Variants in IL31RA observed in about 807,000 individuals in gnomAD.
The protein encoded by IL31RA is interleukin-31 receptor subunit alpha.
In IL31RA, 66 loss-of-function variants were observed where a neutral mutation model predicts 83.7. The observed-to-expected ratio is 0.79, with a 90% CI of 0.65 to 0.97. The LOEUF (loss-of-function observed/expected upper bound fraction) is 0.97, where lower values mean the gene tolerates loss of function less well. Ranked by LOEUF, IL31RA falls within the 50% of genes least tolerant of loss-of-function variation. IL31RA has a pLI of 0.00. For missense variants in IL31RA, 798 were observed against 919.4 expected, an observed-to-expected ratio of 0.87 and a Z score of 1.71; for synonymous variants, 325 against 329.0, an observed-to-expected ratio of 0.99 and a Z score of 0.13.
chr5:55,885,922 T>C (rs2112453085), intron 5 of IL31RA, among the ~76,000 whole-genome samples: 1 of 152,356 alleles, frequency 6.6e-6, no homozygotes, highest in South Asian at 2.1e-4. Context: ...GATAGTCTAC[T>C]GGCTATAAAC....
rs746941564 is a variant in IL31RA, at chr5:55,900,018, C to G, written c.955C>G (p.Gln319Glu). The change falls in exon 8 of 15, where the codon CAG becomes GAG. Residue 319 changes from glutamine to glutamate, a missense_variant. Transcript: ENST00000652347. The stretch of plus-strand genomic sequence containing the variant: ...CACAGAAACAATGAACACTACTAAC[C>G]AGCAGCTTGAACTGCATCTGGGAGG... ...NLTETMNTTNQQLELHLGGES... is the reference protein window; with the variant it reads ...NLTETMNTTNEQLELHLGGES... 16 of 1,613,740 alleles carry G rather than the reference C, an allele frequency of 9.9e-6. No individual in the cohort carries two copies. The highest frequency in any genetic ancestry group is 1.4e-5 in the Non-Finnish European group (16 of 1,179,722).
rs1233835647 is a variant in IL31RA at position 55,918,685 on chromosome 5, G to A, written c.*1565G>A. Among the ~76,000 whole-genome samples the A allele has an allele frequency of 6.6e-6, 1 of 152,064 alleles. No homozygotes were observed. Among genetic ancestry groups the A allele is most frequent in the African/African-American group, 2.4e-5 (1 of 41,400 alleles). On this transcript the variant is annotated 3_prime_UTR_variant, in exon 15 of 15. Coordinates refer to ENST00000652347, the MANE Select transcript of IL31RA (RefSeq NM_139017.7). ...TACTATGGTCCCTCCTGTCCCTGTT[G>A]GGTCACCTACCACTTACCTTAGCCA... is the stretch of plus-strand genomic sequence containing the variant.
At chr5:55,858,732 C>A (rs1380024931) in intron 1 of IL31RA, among the ~76,000 whole-genome samples, 1 of 152,096 alleles carries the variant, frequency 6.6e-6, no homozygotes, top group Non-Finnish European at 1.5e-5. Context: ...ACTATCCCAC[C>A]ATTTCATCTT....
the IL31RA span, chr5:55,839,956 C>G: frequency 1.6e-6 from 1 of 642,380 alleles, no homozygotes; most frequent in African/African-American, 1.8e-5. Context: ...ACTTCATCGG[C>G]CAAGCAAGAC....
At chr5:55,897,458 G>A (rs995741515) in intron 7 of IL31RA, among the ~76,000 whole-genome samples, 2 of 152,110 alleles carry the variant, frequency 1.3e-5, no homozygotes, top group Non-Finnish European at 2.9e-5. Flanking sequence ...GGAAGGCAGC[G>A]TAAGTCTCCG....
chr5:55,877,692 T>G (rs1746944887), intron 4 of IL31RA, among the ~76,000 whole-genome samples: 2 of 152,234 alleles, frequency 1.3e-5, no homozygotes, highest in Non-Finnish European at 2.9e-5. Flanking sequence ...CTCTAAGGTT[T>G]TTGCTGATCT....
chr5:55,885,294 TC>T (rs1307196167), intron 5 of IL31RA, among the ~76,000 whole-genome samples: 1 of 152,174 alleles, frequency 6.6e-6, no homozygotes, highest in African/African-American at 2.4e-5. Flanking sequence ...GAATTTTTGC[TC>T]CTTAGTTCAG....
chr5:55,870,735 C>A (rs1325645401), intron 3 of IL31RA, among the ~76,000 whole-genome samples: 1 of 152,176 alleles, frequency 6.6e-6, no homozygotes, highest in African/African-American at 2.4e-5. Context: ...GGATCTCTTC[C>A]AAGCAAAGTG....
In IL31RA at chr5:55,921,777, G is replaced by T. The variant is rs1187296645; in HGVS notation, c.*4657G>T. ...TTTATTGTTGCCATGTCCCTGTGTT[G>T]ACATTACAGAATGTTCTCTGCCTCC... is the stretch of plus-strand genomic sequence containing the variant. On this transcript the variant is annotated 3_prime_UTR_variant, in exon 15 of 15. Transcript: ENST00000652347. Among the ~76,000 whole-genome samples the T allele has an allele frequency of 6.6e-6, 1 of 152,108 alleles. No individual in the cohort carries two copies. Among genetic ancestry groups the T allele is most frequent in the Non-Finnish European group, 1.5e-5 (1 of 68,012 alleles).
chr5:55,916,578 G>A (rs139358617), intron 14 of IL31RA, 66 bp from the exon 15 acceptor site: 68 of 1,363,896 alleles, frequency 5.0e-5, no homozygotes, highest in Middle Eastern at 1.9e-4. Context: ...CAAGCCTAAC[G>A]AGTTTTTGGC....
intron 6 of IL31RA, among the ~76,000 whole-genome samples, chr5:55,894,471 T>G (rs1401127786): frequency 6.6e-6 from 1 of 152,210 alleles, no homozygotes; most frequent in African/African-American, 2.4e-5. Flanking sequence ...GGGATTCAGA[T>G]GAAATAATAT....
intron 3 of IL31RA, among the ~76,000 whole-genome samples, chr5:55,870,515 T>G (rs539615533): frequency 6.6e-6 from 1 of 152,176 alleles, no homozygotes; most frequent in Non-Finnish European, 1.5e-5. Context: ...CTTTATAGGT[T>G]TACTGCTATT....
Position 55,916,641 on chromosome 5 carries a change from C to T in IL31RA, c.1819-3C>T. The T allele has an allele frequency of 6.2e-7, 1 of 1,613,406 alleles. No homozygotes were observed. Among genetic ancestry groups the T allele is most frequent in the Non-Finnish European group, 8.5e-7 (1 of 1,179,510 alleles). ...ACTTGGGATGTCCCTTTTTCTTTTCCAGGATAAGCTAAACCTGAAGGAGTC... is the reference window on the plus strand; with the variant it reads ...ACTTGGGATGTCCCTTTTTCTTTTCTAGGATAAGCTAAACCTGAAGGAGTC... On this transcript the variant is annotated splice_region_variant and splice_polypyrimidine_tract_variant and intron_variant, in intron 14 of 14. Coordinates refer to ENST00000652347, the MANE Select transcript of IL31RA (RefSeq NM_139017.7).
upstream of IL31RA, among the ~76,000 whole-genome samples, chr5:55,846,759 T>TC (rs1474471139): frequency 6.6e-6 from 1 of 152,080 alleles, no homozygotes; most frequent in Non-Finnish European, 1.5e-5. Context: ...GCCACTGCAC[T>TC]CCAGCCTGGG....
At chr5:55,914,717 G>GGCA (rs1749686947) in intron 13 of IL31RA, 130 bp from the exon 14 acceptor site, 2 of 754,936 alleles carry the variant, frequency 2.6e-6, no homozygotes, top group Non-Finnish European at 4.7e-6. Context: ...GGTTCTATTA[G>GGCA]GCAGACATGC....
At chr5:55,849,468 CA>C, upstream of IL31RA, among the ~76,000 whole-genome samples, 1 of 152,232 alleles carries the variant, frequency 6.6e-6, no homozygotes. Flanking sequence ...TATAGTTATT[CA>C]TAGCTGAGCC....
chr5:55,891,964 A>G (rs975379793), intron 6 of IL31RA, among the ~76,000 whole-genome samples: 2 of 151,414 alleles, frequency 1.3e-5, no homozygotes, highest in Non-Finnish European at 2.9e-5. Flanking sequence ...TTTACTAGAG[A>G]TGGAGTTTCA....
rs918111524 is a variant in IL31RA at position 55,920,951 on chromosome 5, G to A, written c.*3831G>A. Among the ~76,000 whole-genome samples the A allele has an allele frequency of 6.6e-6, 1 of 152,134 alleles. No homozygotes were observed. The highest frequency in any genetic ancestry group is 6.6e-5 in the Admixed American group (1 of 15,266). Reference sequence around the variant, plus strand: ...ATTTTTGATTGTCACGACTGGGAAGGTGCTACTGGCATCTAGTGGGTAGAG... The same window carrying A: ...ATTTTTGATTGTCACGACTGGGAAGATGCTACTGGCATCTAGTGGGTAGAG... On this transcript the variant is annotated 3_prime_UTR_variant, in exon 15 of 15. Transcript: ENST00000652347.
chr5:55,860,404 C>G (rs925039773), intron 2 of IL31RA, among the ~76,000 whole-genome samples: 2 of 151,676 alleles, frequency 1.3e-5, no homozygotes, highest in African/African-American at 4.8e-5. Context: ...TGGTCTCTCT[C>G]TCTCTAAATA....
Sources: gnomAD v4.1 joint callset for allele counts (sites outside exome capture counted in the v4.1 genomes callset) on GRCh38, gnomAD v4.1.1 for gene constraint, MANE v1.5 for transcripts, NCBI Gene and HGNC (gene_info 2026-07-23, HGNC 2026-07-21) for gene names.